The following RASAL2 variants were observed in gnomAD, a reference collection of about 807,000 sequenced individuals.
The protein encoded by RASAL2 is RAS protein activator like 2.
RASAL2 carries 58 observed loss-of-function variants against 128.9 expected under a neutral mutation model. The observed-to-expected ratio is 0.45, with a 90% confidence interval of 0.36 to 0.56. RASAL2 has a LOEUF of 0.56. RASAL2 is among the 20% of genes least tolerant of loss of function. The probability of loss-of-function intolerance (pLI) is 0.00; values close to 1 mark genes in which losing one functional copy is unlikely to be tolerated. For synonymous variants in RASAL2, 561 were observed against 580.8 expected (o/e 0.97, Z 0.49); for missense variants, 1,360 against 1,601.6 (o/e 0.85, Z 2.57).
Position 178,477,428 on chromosome 1 carries a change from T to C in RASAL2, c.*4189T>C, listed in dbSNP as rs1648754393. On this transcript the variant is annotated 3_prime_UTR_variant, in exon 18 of 18. Coordinates refer to ENST00000367649, the MANE Select transcript of RASAL2 (RefSeq NM_170692.4). Reference sequence around the variant, plus strand: ...CATTCTCTTTGTCATGACCCGATTATGTATACTCTTGGGTTTAGGAAGGAC... The same window carrying C: ...CATTCTCTTTGTCATGACCCGATTACGTATACTCTTGGGTTTAGGAAGGAC... 1 of 152,212 alleles carries C rather than the reference T, an allele frequency of 6.6e-6. No individual in the cohort carries two copies. 9.4% of individuals were successfully genotyped at this position (152,212 alleles called of 1,614,324 possible).
At chr1:178,121,494 CT>C (rs1439464541) in intron 1 of RASAL2, among the ~76,000 whole-genome samples, 84 of 145,158 alleles carry the variant, frequency 5.8e-4, no homozygotes, top group African/African-American at 7.8e-4. Context: ...TGGTTGTTTT[CT>C]TTTTTTTTTT....
intron 1 of RASAL2, among the ~76,000 whole-genome samples, chr1:178,103,135 C>T (rs1191874415): frequency 6.6e-5 from 10 of 152,116 alleles, no homozygotes; most frequent in African/African-American, 2.4e-4. Flanking sequence ...CGTATGATAA[C>T]CCATTAGAAC....
intron 1 of RASAL2, among the ~76,000 whole-genome samples, chr1:178,108,989 T>C (rs1659198741): frequency 6.6e-6 from 1 of 152,228 alleles, no homozygotes; most frequent in African/African-American, 2.4e-5. Context: ...GGACTTTTTT[T>C]CTATAAAAGC....
chr1:178,434,380 C>A (rs975849947), intron 5 of RASAL2, among the ~76,000 whole-genome samples: 1 of 152,146 alleles, frequency 6.6e-6, no homozygotes. Context: ...GTACCAAGTA[C>A]AAAGTAGGTA....
In RASAL2 at chr1:178,457,618, T is replaced by G. The variant is rs1413711530; in HGVS notation, c.2391-65T>G. On this transcript the variant is annotated intron_variant, in intron 13 of 17. Transcript: ENST00000367649. ...CTTCGGAGGAGTTCATATGCCTGAA[T>G]TGAGGCATCTTAGCCATGTTGAAGT... The G allele has an allele frequency of 3.2e-6, 5 of 1,539,664 alleles. No homozygotes were observed. The Admixed American group carries it at 9.3e-5, about 28-fold the overall frequency.
chr1:178,220,500 G>A (rs1241846038), intron 1 of RASAL2, among the ~76,000 whole-genome samples: 2 of 152,190 alleles, frequency 1.3e-5, no homozygotes, highest in Non-Finnish European at 2.9e-5. Context: ...TTGAAGTAAT[G>A]TGAGAATTAC....
rs1338929757 is a variant in RASAL2 at position 178,475,634 on chromosome 1, A to T, written c.*2395A>T. On this transcript the variant is annotated 3_prime_UTR_variant, in exon 18 of 18. Coordinates refer to ENST00000367649, the MANE Select transcript of RASAL2 (RefSeq NM_170692.4). Reference sequence around the variant, plus strand: ...TTACAGAGGGCTGATAAAATTACTTATATTGGGAATTGAGAGAAGCCCCAA... The same window carrying T: ...TTACAGAGGGCTGATAAAATTACTTTTATTGGGAATTGAGAGAAGCCCCAA... The T allele has an allele frequency of 6.6e-6, 1 of 152,242 alleles. No homozygotes were observed. 9.4% of individuals were successfully genotyped at this position (152,242 alleles called of 1,614,324 possible). A position where few individuals can be genotyped will look rare whatever the true frequency, so the allele number is the denominator to read the frequency against.
intron 1 of RASAL2, among the ~76,000 whole-genome samples, chr1:178,281,000 G>C (rs551740726): frequency 3.9e-5 from 6 of 152,008 alleles, no homozygotes; most frequent in African/African-American, 1.2e-4. Flanking sequence ...ATGAGAACAT[G>C]ATATAACATA....
chr1:178,106,495 C>T (rs553998174), intron 1 of RASAL2, among the ~76,000 whole-genome samples: 3 of 152,278 alleles, frequency 2.0e-5, no homozygotes, highest in Admixed American at 6.5e-5. Flanking sequence ...TCTGTATCAA[C>T]GTATGGACCT....
At chr1:178,371,173 A>G (rs1342166751) in intron 3 of RASAL2, among the ~76,000 whole-genome samples, 1 of 151,836 alleles carries the variant, frequency 6.6e-6, no homozygotes. Flanking sequence ...AAGTCAAACC[A>G]TGAAAATATG....
At chr1:178,360,189 A>T (rs973839827) in intron 3 of RASAL2, among the ~76,000 whole-genome samples, 1 of 152,176 alleles carries the variant, frequency 6.6e-6, no homozygotes, top group African/African-American at 2.4e-5. Context: ...GGAGTAGGAG[A>T]TAGCCAGCCA....
At chr1:178,335,266 A>G (rs897069261) in intron 3 of RASAL2, among the ~76,000 whole-genome samples, 7 of 152,110 alleles carry the variant, frequency 4.6e-5, no homozygotes, top group East Asian at 1.9e-4. Flanking sequence ...AAAATATAGC[A>G]TATCTACAAA....
At chr1:178,230,275 G>T (rs1408248964) in intron 1 of RASAL2, among the ~76,000 whole-genome samples, 1 of 152,132 alleles carries the variant, frequency 6.6e-6, no homozygotes, top group East Asian at 1.9e-4. Context: ...TTAGGTACAA[G>T]TATATATATT....
At chr1:178,361,889 T>G (rs759628057) in intron 3 of RASAL2, among the ~76,000 whole-genome samples, 2 of 152,028 alleles carry the variant, frequency 1.3e-5, no homozygotes, top group Non-Finnish European at 2.9e-5. Flanking sequence ...TGGGAGACAG[T>G]GACAGATCAT....
intron 1 of RASAL2, among the ~76,000 whole-genome samples, chr1:178,153,325 A>T (rs1034762233): frequency 3.3e-5 from 5 of 152,288 alleles, no homozygotes; most frequent in Middle Eastern, 3.4e-3. Flanking sequence ...ATTGAGGTGA[A>T]ATGTGCATAA....
chr1:178,209,501 C>T (rs1266419799), intron 1 of RASAL2, among the ~76,000 whole-genome samples: 3 of 152,136 alleles, frequency 2.0e-5, no homozygotes, highest in Non-Finnish European at 4.4e-5. Context: ...TTTTCCATTC[C>T]TATATAGGTG....
intron 1 of RASAL2, among the ~76,000 whole-genome samples, chr1:178,200,812 T>C (rs1662838131): frequency 6.6e-6 from 1 of 152,308 alleles, no homozygotes; most frequent in East Asian, 1.9e-4. Flanking sequence ...TGAACCCTTT[T>C]TACCAGAAGA....
chr1:178,339,896 A>ATGAC (rs1669779281), intron 3 of RASAL2, among the ~76,000 whole-genome samples: 1 of 152,216 alleles, frequency 6.6e-6, no homozygotes, highest in Non-Finnish European at 1.5e-5. Context: ...CAAGCAGTGA[A>ATGAC]TGACTGGTTG....
chr1:178,187,990 TATA>T (rs1662364383), intron 1 of RASAL2, among the ~76,000 whole-genome samples: 1 of 152,140 alleles, frequency 6.6e-6, no homozygotes, highest in Admixed American at 6.6e-5. Context: ...GGAAGATAGC[TATA>T]CAATGCTCTG....
Sources: gnomAD v4.1 joint callset for allele counts (sites outside exome capture counted in the v4.1 genomes callset) on GRCh38, gnomAD v4.1.1 for gene constraint, MANE v1.5 for transcripts, NCBI Gene and HGNC (gene_info 2026-07-23, HGNC 2026-07-21) for gene names.